Variants in NEGR1 observed in about 807,000 individuals in gnomAD.
The protein encoded by NEGR1 is IgLON family member 4.
A neutral mutation model predicts 40.9 loss-of-function variants in NEGR1; 10 were observed. The ratio of observed to expected loss-of-function variants is 0.24; its 90% CI spans 0.15 to 0.42. NEGR1 has a LOEUF of 0.42. NEGR1 is among the 10% of genes least tolerant of loss of function. The pLI is 1.00. For missense variants in NEGR1, 352 were observed against 438.9 expected (o/e 0.80, Z 1.77); for synonymous variants, 185 against 166.8 (o/e 1.11, Z -0.84).
At chr1:72,077,609 C>T (rs905464711) in intron 1 of NEGR1, among the ~76,000 whole-genome samples, 1 of 151,204 alleles carries the variant, frequency 6.6e-6, no homozygotes, top group Non-Finnish European at 1.5e-5. Context: ...GGGCAACACA[C>T]TGAAACTCTG....
At chr1:72,253,192 C>T (rs752348332) in intron 1 of NEGR1, among the ~76,000 whole-genome samples, 8 of 152,016 alleles carry the variant, frequency 5.3e-5, no homozygotes. Flanking sequence ...TGTTCCATTG[C>T]CTCATTTGTC....
intron 1 of NEGR1, among the ~76,000 whole-genome samples, chr1:72,116,617 T>C (rs1205091098): frequency 1.3e-5 from 2 of 151,714 alleles, no homozygotes; most frequent in Non-Finnish European, 2.9e-5. Context: ...CCAGTATGAT[T>C]TCCACCCTCT....
chr1:71,829,437 A>T (rs1045407192), intron 2 of NEGR1, among the ~76,000 whole-genome samples: 1 of 151,860 alleles, frequency 6.6e-6, no homozygotes, highest in African/African-American at 2.4e-5. Flanking sequence ...CCACACTCCA[A>T]TTATTTCCAA....
chr1:71,661,238 A>G (rs369313524), intron 4 of NEGR1, among the ~76,000 whole-genome samples: 1 of 152,196 alleles, frequency 6.6e-6, no homozygotes, highest in East Asian at 1.9e-4. Context: ...GCTGGGTGAA[A>G]TGGTATTTCT....
chr1:72,021,607 G>T (rs993441736), intron 1 of NEGR1, among the ~76,000 whole-genome samples: 5 of 152,016 alleles, frequency 3.3e-5, no homozygotes, highest in Non-Finnish European at 7.4e-5. Flanking sequence ...ATGATATTTT[G>T]AAAAACTTTA....
chr1:72,166,638 T>C (rs1651775910), intron 1 of NEGR1, among the ~76,000 whole-genome samples: 1 of 152,040 alleles, frequency 6.6e-6, no homozygotes, highest in Admixed American at 6.6e-5. Context: ...GAGGACATTA[T>C]GTTAAGTGAA....
Position 71,986,269 on chromosome 1 carries a change from C to G in NEGR1, c.177-50958G>C, listed in dbSNP as rs531798697. Among the ~76,000 whole-genome samples the G allele has an allele frequency of 1.2e-4, 18 of 152,344 alleles. No individual in the cohort carries two copies. In the East Asian group the frequency reaches 3.5e-3, roughly 29 times the overall value. The stretch of plus-strand genomic sequence containing the variant: ...AAAATTGGGCACCAGGCCTTTACCA[C>G]AGCTGGTCATTAATCTACCAGATAT... On this transcript the variant is annotated intron_variant, in intron 1 of 6. Coordinates refer to ENST00000357731, the MANE Select transcript of NEGR1 (RefSeq NM_173808.3).
intron 3 of NEGR1, among the ~76,000 whole-genome samples, chr1:71,773,888 T>C (rs4649947): frequency 0.75 from 113,444 of 152,024 alleles, 44,253 homozygotes; most frequent in East Asian, 0.86. Flanking sequence ...AACTAAAATG[T>C]ATCCAAGCAC....
intron 1 of NEGR1, among the ~76,000 whole-genome samples, chr1:72,193,562 CA>C (rs1652897605): frequency 6.6e-6 from 1 of 151,346 alleles, no homozygotes; most frequent in African/African-American, 2.4e-5. Flanking sequence ...TGACTTGGAA[CA>C]AAGAATTAGA....
At position 71,604,033 on chromosome 1, in the gene NEGR1, G is replaced by C. The variant is rs572723390; in HGVS notation, c.788+6993C>G. ...ACATTAAAACCTCATTAAAAATAGA[G>C]AGATGCTCATACTATCAGAGATACA... On this transcript the variant is annotated intron_variant, in intron 5 of 6. Coordinates refer to ENST00000357731, the MANE Select transcript of NEGR1 (RefSeq NM_173808.3). 2.0e-5 allele frequency among the ~76,000 whole-genome samples: 3 copies of C among 152,226 alleles called. No homozygotes were observed. The East Asian group carries it at 5.8e-4, about 29-fold the overall frequency.
chr1:72,222,896 C>T (rs1654059859), intron 1 of NEGR1, among the ~76,000 whole-genome samples: 1 of 152,090 alleles, frequency 6.6e-6, no homozygotes, highest in Non-Finnish European at 1.5e-5. Flanking sequence ...AGGTGTCAGA[C>T]ATGTGAGTGA....
chr1:71,543,639 G>A (rs1226450507), intron 6 of NEGR1, among the ~76,000 whole-genome samples: 4 of 151,784 alleles, frequency 2.6e-5, no homozygotes, highest in African/African-American at 7.2e-5. Context: ...AAAGAAATAT[G>A]TGATTTCAGT....
Position 71,402,587 on chromosome 1 carries a change from C to T in NEGR1, c.*4859G>A, listed in dbSNP as rs1199138393. The T allele has an allele frequency of 6.6e-6, 1 of 152,056 alleles. No individual in the cohort carries two copies. The highest frequency in any genetic ancestry group is 2.4e-5 in the African/African-American group (1 of 41,396). The allele number at this position is 152,056 out of a possible 1,614,324, so 9.4% of individuals were successfully genotyped here. On this transcript the variant is annotated 3_prime_UTR_variant, in exon 7 of 7. Coordinates refer to ENST00000357731, the MANE Select transcript of NEGR1 (RefSeq NM_173808.3). ...ATACTTTTGAGTAAGTTTGGAATTA[C>T]TAGAAAAACAGTGAATGTAAATGTG...
Position 71,776,190 on chromosome 1 carries a change from G to A in NEGR1, c.517C>T (p.Arg173Ter), listed in dbSNP as rs1252345844. 1 of 1,608,324 alleles carries A rather than the reference G, an allele frequency of 6.2e-7. No homozygotes were observed. The highest frequency in any genetic ancestry group is 1.7e-4 in the Middle Eastern group (1 of 6,040). The stretch of plus-strand genomic sequence containing the variant: ...ACTTTACCTGATGGGGAGATGTGTC[G>A]CCAAGAAATGGAAGGCTCTGGTTTC... Reference protein sequence around the residue: ...TGKPEPSISWRHISPSAKPFE... With the variant: ...TGKPEPSISW The change falls in exon 3 of 7, where the codon CGA becomes TGA. Residue 173 changes from arginine to a stop codon, truncating the protein, a stop_gained. Transcript: ENST00000357731. LOFTEE classifies it high-confidence loss of function.
At chr1:71,865,100 A>C (rs1660073740) in intron 2 of NEGR1, among the ~76,000 whole-genome samples, 1 of 152,166 alleles carries the variant, frequency 6.6e-6, no homozygotes, top group African/African-American at 2.4e-5. Context: ...AATCAGTAGT[A>C]AGGATAAAAT....
chr1:71,504,112 AT>A (rs970259516), intron 6 of NEGR1, among the ~76,000 whole-genome samples: 8 of 151,432 alleles, frequency 5.3e-5, no homozygotes, highest in African/African-American at 9.7e-5. Context: ...AGATAAAAAA[AT>A]AAAATAAAAT....
chr1:72,083,658 C>A (rs924375729), intron 1 of NEGR1, among the ~76,000 whole-genome samples: 40 of 152,166 alleles, frequency 2.6e-4, no homozygotes, highest in African/African-American at 8.7e-4. Flanking sequence ...TGCCTCCCAG[C>A]AAAAACATTC....
chr1:72,229,984 T>C (rs1247848159), intron 1 of NEGR1, among the ~76,000 whole-genome samples: 1 of 152,094 alleles, frequency 6.6e-6, no homozygotes, highest in Non-Finnish European at 1.5e-5. Context: ...GAATATATCA[T>C]ACAGATAATC....
chr1:72,003,680 G>A (rs1179592326), intron 1 of NEGR1, among the ~76,000 whole-genome samples: 1 of 152,004 alleles, frequency 6.6e-6, no homozygotes, highest in Admixed American at 6.6e-5. Flanking sequence ...TTGAGCTTAT[G>A]TAAATAAGCA....
Sources: gnomAD v4.1 joint callset for allele counts (sites outside exome capture counted in the v4.1 genomes callset) on GRCh38, gnomAD v4.1.1 for gene constraint, MANE v1.5 for transcripts, NCBI Gene and HGNC (gene_info 2026-07-23, HGNC 2026-07-21) for gene names.